PHEX: variants seen among roughly 807,000 people sequenced by gnomAD.
PHEX encodes phosphate-regulating neutral endopeptidase PHEX.
PHEX carries 16 observed loss-of-function variants against 68.0 expected under a neutral mutation model. The observed-to-expected ratio is 0.24, with a 90% confidence interval of 0.16 to 0.36. The LOEUF is 0.36. Among genes scored for constraint, PHEX ranks in the 10% least tolerant of loss-of-function variants. The pLI is 1.00. For synonymous variants in PHEX, 208 were observed against 205.1 expected (o/e 1.01, Z -0.12); for missense variants, 480 against 575.5 (o/e 0.83, Z 1.70).
At chrX:22,062,583 A>G (rs1380063947) in intron 3 of PHEX, among the ~76,000 whole-genome samples, 1 of 111,362 alleles carries the variant, frequency 9.0e-6, no homozygotes, top group East Asian at 2.8e-4. Flanking sequence ...GCCACATTGC[A>G]ATACCCAGTA....
At chrX:22,132,800 G>T (rs765757261) in intron 11 of PHEX, among the ~76,000 whole-genome samples, 2 of 111,556 alleles carry the variant, frequency 1.8e-5, no homozygotes, top group African/African-American at 6.5e-5. Context: ...AATCTATGGT[G>T]AATTCCTATC....
At position 22,133,642 on chromosome X, in the gene PHEX, T is replaced by A. The variant is rs781136879; in HGVS notation, c.1404+18T>A. On this transcript the variant is annotated intron_variant, in intron 12 of 21. Transcript: ENST00000379374. ...AAGAAAAGGTAAGGATTCCTTTTGA[T>A]GAAAAAAAAATAAGACTTCTGGTTT... 3 of 1,116,477 alleles carry A rather than the reference T, an allele frequency of 2.7e-6. No homozygotes were observed. The highest frequency in any genetic ancestry group is 1.2e-6 in the Non-Finnish European group (1 of 811,272). The allele number at this position is 1,116,477 out of a possible 1,213,427, so 92.0% of individuals were successfully genotyped here.
At chrX:22,079,599 T>TA (rs1272910656) in intron 5 of PHEX, among the ~76,000 whole-genome samples, 280 of 103,391 alleles carry the variant, frequency 2.7e-3, no homozygotes, top group African/African-American at 5.7e-3. Flanking sequence ...AACATGTCCT[T>TA]AAAAAAAAAA....
chrX:22,038,296 T>G (rs766340205), intron 1 of PHEX, among the ~76,000 whole-genome samples, 173 bp from the exon 2 acceptor site: 3 of 111,992 alleles, frequency 2.7e-5, no homozygotes, highest in Non-Finnish European at 3.8e-5. Flanking sequence ...CAAGGTTATT[T>G]AGCTAGCAGC....
intron 3 of PHEX, among the ~76,000 whole-genome samples, chrX:22,064,014 TA>T (rs1281963908): frequency 4.1e-4 from 46 of 112,882 alleles, no homozygotes; most frequent in African/African-American, 1.4e-3. Context: ...TTGTCAACTG[TA>T]AGATGCACCA....
rs193066940 is a variant in PHEX, at chrX:22,055,761, G to A, written c.349+8550G>A. Among the ~76,000 whole-genome samples the A allele has an allele frequency of 4.7e-3, 523 of 111,599 alleles. 16 individuals are homozygous for A. The highest frequency in any genetic ancestry group is 0.043 in the Admixed American group (459 of 10,575). On this transcript the variant is annotated intron_variant, in intron 3 of 21. Coordinates refer to ENST00000379374, the MANE Select transcript of PHEX (RefSeq NM_000444.6). ...TTTTTAGTAGAGACGGTGTTTTGCC[G>A]TGTTGGCCAGGCTGGTCTTAAACTC...
intron 1 of PHEX, among the ~76,000 whole-genome samples, chrX:22,034,018 A>G (rs1339290464): frequency 8.9e-6 from 1 of 112,334 alleles, no homozygotes; most frequent in African/African-American, 3.2e-5. Context: ...ATTAAACTTT[A>G]AAAGAGTTAG....
chrX:22,209,956 T>A (rs191902772), intron 15 of PHEX, among the ~76,000 whole-genome samples: 7,941 of 104,553 alleles, frequency 0.076, 263 homozygotes, highest in South Asian at 0.11. Context: ...AAAAAAAAAA[T>A]AAATAAATAA....
At position 22,168,319 on chromosome X, in the gene PHEX, C is replaced by T; in HGVS notation, c.1412C>T (p.Ala471Val). The T allele has an allele frequency of 8.4e-6, 10 of 1,190,703 alleles. No individual in the cohort carries two copies. The highest frequency in any genetic ancestry group is 1.1e-5 in the Non-Finnish European group (10 of 876,612). ...TKRKAKEKAR[A>V]VLAKVGYPEF... ...TCTTTTTCCTTTTTGTAGGCGAGAG[C>T]TGTTTTGGCAAAAGTTGGCTATCCA... The change falls in exon 13 of 22, where the codon GCT becomes GTT. Residue 471 changes from alanine (A) to valine (V), a missense_variant. Ala to Val is a moderately conservative substitution (Grantham distance 64, BLOSUM62 0). Coordinates refer to ENST00000379374, the MANE Select transcript of PHEX (RefSeq NM_000444.6).
chrX:22,133,286 G>C (rs1218859551), intron 11 of PHEX, among the ~76,000 whole-genome samples: 1 of 111,675 alleles, frequency 9.0e-6, no homozygotes. Context: ...CTCCCAAATT[G>C]TTGGGATTAC....
At chrX:22,111,647 A>T in intron 10 of PHEX, 87 bp downstream of exon 10, 1 of 709,152 alleles carries the variant, frequency 1.4e-6, no homozygotes, top group Non-Finnish European at 2.3e-6. Flanking sequence ...AGTAAAAATC[A>T]TCTTTAGGGA....
chrX:22,119,590 CT>C (rs1436242756), intron 11 of PHEX, among the ~76,000 whole-genome samples: 1 of 105,973 alleles, frequency 9.4e-6, no homozygotes, highest in Non-Finnish European at 1.9e-5. Context: ...TTGTCTTTTT[CT>C]TTTTCTTTTT....
intron 12 of PHEX, among the ~76,000 whole-genome samples, chrX:22,156,056 C>T (rs1218491931): frequency 1.8e-5 from 2 of 111,741 alleles, no homozygotes; most frequent in East Asian, 5.6e-4. Flanking sequence ...AATGTCAGGG[C>T]CTGTGAATTA....
chrX:22,074,677 T>C (rs1929065726), intron 3 of PHEX, among the ~76,000 whole-genome samples: 1 of 111,536 alleles, frequency 9.0e-6, no homozygotes, highest in Non-Finnish European at 1.9e-5. Flanking sequence ...AATGACTGTG[T>C]AAGCAATATA....
intron 2 of PHEX, among the ~76,000 whole-genome samples, chrX:22,041,265 C>CTCTCTCTCTCTCTA (rs1468778300): frequency 3.2e-4 from 23 of 72,813 alleles, no homozygotes; most frequent in African/African-American, 1.2e-3. Flanking sequence ...CTCTCTCTCT[C>CTCTCTCTCTCTCTA]TATATATATA....
At chrX:22,053,913 T>C (rs1927954367) in intron 3 of PHEX, among the ~76,000 whole-genome samples, 1 of 111,633 alleles carries the variant, frequency 9.0e-6, no homozygotes, top group South Asian at 3.7e-4. Context: ...CAAATAGTTC[T>C]CGTAATTAAA....
chrX:22,098,111 T>A (rs79643990), intron 8 of PHEX: 16,104 of 107,074 alleles, frequency 0.15, 1,041 homozygotes, highest in Admixed American at 0.2. Context: ...TTTTTTTTTT[T>A]TAAAAACTGT....
intron 12 of PHEX, among the ~76,000 whole-genome samples, chrX:22,166,950 TTTC>T (rs1186198584): frequency 5.4e-5 from 6 of 112,111 alleles, no homozygotes; most frequent in Non-Finnish European, 1.1e-4. Context: ...ATGACAGGAT[TTTC>T]TTCTTTTTTA....
intron 12 of PHEX, among the ~76,000 whole-genome samples, chrX:22,161,214 T>C (rs1161822442): frequency 8.9e-6 from 1 of 112,568 alleles, no homozygotes; most frequent in African/African-American, 3.2e-5. Flanking sequence ...ACAAAATATC[T>C]CATTTTCTCC....
Sources: gnomAD v4.1 joint callset for allele counts (sites outside exome capture counted in the v4.1 genomes callset) on GRCh38, gnomAD v4.1.1 for gene constraint, MANE v1.5 for transcripts, NCBI Gene and HGNC (gene_info 2026-07-23, HGNC 2026-07-21) for gene names.